Variants in SRBD1 observed in about 807,000 individuals in gnomAD.
SRBD1 encodes S1 RNA-binding domain-containing protein 1.
Under a neutral mutation model 115.3 loss-of-function variants are expected in SRBD1, and 88 were observed. That is an observed-to-expected ratio of 0.76 (90% CI 0.64 to 0.91). SRBD1 has a LOEUF of 0.91. SRBD1 is among the 40% of genes least tolerant of loss of function. SRBD1 has a pLI of 0.00. For missense variants in SRBD1, 1,385 were observed against 1,177.4 expected (o/e 1.18, Z -2.58); for synonymous variants, 509 against 407.7 (o/e 1.25, Z -2.99).
At position 45,511,472 on chromosome 2, in the gene SRBD1, A is replaced by T. The variant is rs909585105; in HGVS notation, c.1875-23141T>A. Among the ~76,000 whole-genome samples, 3 of 152,202 alleles carry T rather than the reference A, an allele frequency of 2.0e-5. No individual in the cohort carries two copies. In the East Asian group the frequency reaches 5.8e-4, roughly 29 times the overall value. On this transcript the variant is annotated intron_variant, in intron 14 of 20. Coordinates refer to ENST00000263736, the MANE Select transcript of SRBD1 (RefSeq NM_018079.5). ...GAGTGTTCATGAACTTCCCCCAAAA[A>T]GTTCTAAAACTTTATGTCAAGGAAT...
At chr2:45,529,735 C>T (rs1390937575) in intron 14 of SRBD1, among the ~76,000 whole-genome samples, 1 of 151,958 alleles carries the variant, frequency 6.6e-6, no homozygotes, top group Admixed American at 6.6e-5. Context: ...TATCTGGGTT[C>T]CTCTTGTATA....
chr2:45,395,409 C>T (rs2103819535), intron 19 of SRBD1, among the ~76,000 whole-genome samples: 1 of 152,272 alleles, frequency 6.6e-6, no homozygotes, highest in African/African-American at 2.4e-5. Flanking sequence ...GAACTAACTA[C>T]TACCAAAGTC....
At chr2:45,491,598 T>C (rs767796831) in intron 14 of SRBD1, among the ~76,000 whole-genome samples, 36 of 152,204 alleles carry the variant, frequency 2.4e-4, no homozygotes, top group African/African-American at 3.1e-4. Flanking sequence ...GAAGCTAGCA[T>C]TGAATTTACA....
chr2:45,494,797 C>T (rs1006073084), intron 14 of SRBD1, among the ~76,000 whole-genome samples: 5 of 152,076 alleles, frequency 3.3e-5, no homozygotes, highest in Non-Finnish European at 7.4e-5. Flanking sequence ...TATGGTGAGG[C>T]AGAAAAAGAG....
At chr2:45,543,624 T>C (rs1169353437) in intron 14 of SRBD1, among the ~76,000 whole-genome samples, 2 of 149,106 alleles carry the variant, frequency 1.3e-5, no homozygotes, top group South Asian at 2.1e-4. Flanking sequence ...TGAGAAAACA[T>C]GGTTTTCTCA....
rs764807416 is a variant in SRBD1, at chr2:45,389,641, T to C, written c.2699-42A>G. 3.2e-6 allele frequency: 5 copies of C among 1,569,204 alleles called. No individual in the cohort carries two copies. In the African/African-American group the frequency reaches 4.1e-5, roughly 13 times the overall value. On this transcript the variant is annotated intron_variant, in intron 20 of 20. Transcript: ENST00000263736. The stretch of plus-strand genomic sequence containing the variant: ...GTAAGTGTAAATAAGGCATTGTACT[T>C]CCTAGATACAACATAACTTTGTGAA...
At chr2:45,579,815 T>C in intron 7 of SRBD1, 60 bp downstream of exon 7, 4 of 1,454,956 alleles carry the variant, frequency 2.7e-6, no homozygotes, top group Non-Finnish European at 2.7e-6. Flanking sequence ...TTAACATACG[T>C]TTTTAAATTA....
chr2:45,512,896 G>A (rs549171730), intron 14 of SRBD1, among the ~76,000 whole-genome samples: 49 of 152,118 alleles, frequency 3.2e-4, no homozygotes, highest in African/African-American at 1.1e-3. Flanking sequence ...AGAAAAAAAA[G>A]GTCTGTCCCC....
intron 14 of SRBD1, among the ~76,000 whole-genome samples, chr2:45,528,969 C>T (rs1671533346): frequency 6.6e-6 from 1 of 151,890 alleles, no homozygotes; most frequent in South Asian, 2.1e-4. Flanking sequence ...CCATGCCAAG[C>T]ACTGTACAGA....
chr2:45,501,272 G>T (rs1178115254), intron 14 of SRBD1, among the ~76,000 whole-genome samples: 1 of 152,118 alleles, frequency 6.6e-6, no homozygotes, highest in Non-Finnish European at 1.5e-5. Context: ...AAAATTTTTT[G>T]ATTTTTAATT....
At chr2:45,394,091 G>T (rs1390457556) in intron 19 of SRBD1, among the ~76,000 whole-genome samples, 1 of 151,926 alleles carries the variant, frequency 6.6e-6, no homozygotes, top group Non-Finnish European at 1.5e-5. Flanking sequence ...AATGGAAGCA[G>T]GTAAAACTTC....
chr2:45,603,924 C>T (rs1415938920), intron 2 of SRBD1, among the ~76,000 whole-genome samples: 2 of 152,158 alleles, frequency 1.3e-5, no homozygotes. Context: ...CCAGCAATCA[C>T]ATCAAACTTA....
intron 10 of SRBD1, among the ~76,000 whole-genome samples, chr2:45,557,017 G>A (rs1179732745): frequency 1.3e-5 from 2 of 152,094 alleles, no homozygotes; most frequent in Admixed American, 1.3e-4. Flanking sequence ...TTAATGAATT[G>A]TAGTTTGCCA....
chr2:45,516,600 T>G (rs1404532528), intron 14 of SRBD1, among the ~76,000 whole-genome samples: 3 of 152,236 alleles, frequency 2.0e-5, no homozygotes, highest in Non-Finnish European at 4.4e-5. Flanking sequence ...TTCTCTACAT[T>G]GCTCTTTGGA....
chr2:45,573,072 T>C (rs1014665187), intron 9 of SRBD1, 135 bp downstream of exon 9: 27 of 1,008,034 alleles, frequency 2.7e-5, no homozygotes, highest in Non-Finnish European at 3.4e-5. Context: ...GATATGACAA[T>C]ATTATAAGAA....
chr2:45,497,957 T>G (rs1558435391), intron 14 of SRBD1, among the ~76,000 whole-genome samples: 1 of 151,992 alleles, frequency 6.6e-6, no homozygotes, highest in Non-Finnish European at 1.5e-5. Flanking sequence ...TCGCTTGAGA[T>G]CGCACCACAG....
At chr2:45,575,518 T>A (rs1453374729) in intron 7 of SRBD1, among the ~76,000 whole-genome samples, 1 of 152,226 alleles carries the variant, frequency 6.6e-6, no homozygotes, top group African/African-American at 2.4e-5. Context: ...GCATATCATA[T>A]GTATATTTTC....
chr2:45,600,988 A>T (rs989326396), intron 3 of SRBD1, among the ~76,000 whole-genome samples: 2 of 152,150 alleles, frequency 1.3e-5, no homozygotes, highest in African/African-American at 2.4e-5. Flanking sequence ...TGAGTATTAA[A>T]TTTTTTGCCC....
intron 15 of SRBD1, among the ~76,000 whole-genome samples, chr2:45,487,209 G>A (rs962677738): frequency 6.6e-6 from 1 of 152,142 alleles, no homozygotes; most frequent in African/African-American, 2.4e-5. Flanking sequence ...GAAATCTGAT[G>A]AGAATATTTA....
Sources: gnomAD v4.1 joint callset for allele counts (sites outside exome capture counted in the v4.1 genomes callset) on GRCh38, gnomAD v4.1.1 for gene constraint, MANE v1.5 for transcripts, NCBI Gene and HGNC (gene_info 2026-07-23, HGNC 2026-07-21) for gene names.